The following TRAPPC10 variants were observed in gnomAD, a reference collection of about 807,000 sequenced individuals.
The protein encoded by TRAPPC10 is TRAPP 130 kDa subunit.
TRAPPC10 carries 23 observed loss-of-function variants against 125.5 expected under a neutral mutation model. The ratio of observed to expected loss-of-function variants is 0.18; its 90% CI spans 0.13 to 0.26. TRAPPC10 has a LOEUF of 0.26. Among genes scored for constraint, TRAPPC10 ranks in the 10% least tolerant of loss-of-function variants. TRAPPC10 has a pLI of 1.00. For missense variants in TRAPPC10, 1,123 were observed against 1,308.4 expected, an observed-to-expected ratio of 0.86 and a Z score of 2.19; for synonymous variants, 509 against 518.0, an observed-to-expected ratio of 0.98 and a Z score of 0.24.
chr21:44,018,783 C>T (rs1291477318), intron 1 of TRAPPC10, among the ~76,000 whole-genome samples: 1 of 152,030 alleles, frequency 6.6e-6, no homozygotes, highest in Admixed American at 6.6e-5. Context: ...AGAGGCCTGC[C>T]AACTGACAGT....
intron 3 of TRAPPC10, among the ~76,000 whole-genome samples, chr21:44,043,265 G>A (rs1331866967): frequency 1.4e-5 from 2 of 141,938 alleles, no homozygotes; most frequent in Non-Finnish European, 3.0e-5. Context: ...CCAGGCTGGA[G>A]TGCAGTGGCT....
chr21:44,032,240 A>G (rs1327663212), intron 2 of TRAPPC10, 68 bp downstream of exon 2: 5 of 1,299,704 alleles, frequency 3.8e-6, no homozygotes, highest in East Asian at 2.3e-5. Context: ...ATGTTTTTAA[A>G]TAAGTATATG....
chr21:44,092,160 G>GGTCTGGCTAATTTTTAT, intron 19 of TRAPPC10, 111 bp downstream of exon 19: 1 of 1,381,778 alleles, frequency 7.2e-7, no homozygotes. Context: ...CTGCACTGCT[G>GGTCTGGCTAATTTTTAT]ATGAGTAAAG....
At chr21:44,062,751 C>T (rs926600254) in intron 6 of TRAPPC10, 11 of 985,266 alleles carry the variant, frequency 1.1e-5, no homozygotes, top group Non-Finnish European at 1.2e-5. Flanking sequence ...CACCACTATG[C>T]GCTCCCCGGG....
At chr21:44,016,474 G>A (rs2838467) in intron 1 of TRAPPC10, among the ~76,000 whole-genome samples, 51,574 of 151,898 alleles carry the variant, frequency 0.34, 13,140 homozygotes, top group African/African-American at 0.72. Context: ...CTCCCTCTAG[G>A]TGATCTGTTC....
intron 1 of TRAPPC10, among the ~76,000 whole-genome samples, chr21:44,017,430 T>A (rs1454839091): frequency 6.6e-6 from 1 of 152,030 alleles, no homozygotes. Flanking sequence ...AAAAAGTTAC[T>A]AAGGAGAGGT....
intron 6 of TRAPPC10, among the ~76,000 whole-genome samples, chr21:44,060,947 C>CA (rs1555945307): frequency 2.1e-5 from 3 of 143,552 alleles, no homozygotes; most frequent in South Asian, 4.4e-4. Flanking sequence ...CACACACACA[C>CA]TTTTTTTTTG....
chr21:44,025,539 G>C (rs1223924968), intron 1 of TRAPPC10, among the ~76,000 whole-genome samples: 1 of 152,134 alleles, frequency 6.6e-6, no homozygotes, highest in Non-Finnish European at 1.5e-5. Flanking sequence ...TTTTAAGTTT[G>C]CTCTCTGAGG....
At chr21:44,075,259 CACCA>C in intron 9 of TRAPPC10, 106 bp downstream of exon 9, 3 of 777,392 alleles carry the variant, frequency 3.9e-6, no homozygotes, top group Non-Finnish European at 6.4e-6. Context: ...TCATATTACT[CACCA>C]TTTGGAAAAT....
At chr21:44,068,118 C>CAA (rs1282628289) in intron 7 of TRAPPC10, among the ~76,000 whole-genome samples, 890 of 77,020 alleles carry the variant, frequency 0.012, 12 homozygotes, top group African/African-American at 0.037. Flanking sequence ...GACTCCGTCT[C>CAA]AAAAAAAAAA....
chr21:44,013,849 A>G (rs1204019056), intron 1 of TRAPPC10, among the ~76,000 whole-genome samples: 6 of 152,176 alleles, frequency 3.9e-5, no homozygotes, highest in Non-Finnish European at 7.3e-5. Context: ...CCTCCCCAGA[A>G]TATTTGTCAG....
intron 3 of TRAPPC10, among the ~76,000 whole-genome samples, chr21:44,051,619 G>C (rs918434767): frequency 6.6e-6 from 1 of 152,246 alleles, no homozygotes; most frequent in African/African-American, 2.4e-5. Context: ...AAGCAGGATT[G>C]ATTTCTGGGA....
At chr21:44,045,900 T>C (rs2034765833) in intron 3 of TRAPPC10, among the ~76,000 whole-genome samples, 1 of 152,102 alleles carries the variant, frequency 6.6e-6, no homozygotes, top group Admixed American at 6.5e-5. Context: ...TTGATTATGG[T>C]ATGCTTTGGT....
At position 44,091,169 on chromosome 21, in the gene TRAPPC10, C is replaced by T. The variant is rs541686909; in HGVS notation, c.2871-754C>T. ...TCGTGCCATTGCACCCCAGCCTGGG[C>T]GACAAGAGCAAGACTCTGTCTCAAA... On this transcript the variant is annotated intron_variant, in intron 18 of 22. Transcript: ENST00000291574. Among the ~76,000 whole-genome samples the T allele has an allele frequency of 5.3e-5, 8 of 152,210 alleles. No individual in the cohort carries two copies. The East Asian group carries it at 5.8e-4, about 11-fold the overall frequency.
intron 3 of TRAPPC10, 56 bp from the exon 4 acceptor site, chr21:44,052,224 G>C (rs1228494320): frequency 6.9e-7 from 1 of 1,445,336 alleles, no homozygotes; most frequent in African/African-American, 1.4e-5. Context: ...ACATTTTGCT[G>C]TATAAACTAA....
At chr21:44,023,942 C>T (rs913864981) in intron 1 of TRAPPC10, among the ~76,000 whole-genome samples, 1 of 152,158 alleles carries the variant, frequency 6.6e-6, no homozygotes, top group Non-Finnish European at 1.5e-5. Flanking sequence ...CATGCCATCA[C>T]ATCTGGCTAA....
chr21:44,077,458 G>T (rs751138431), intron 10 of TRAPPC10, among the ~76,000 whole-genome samples: 1 of 152,058 alleles, frequency 6.6e-6, no homozygotes, highest in Admixed American at 6.6e-5. Flanking sequence ...GCCTGGTGGC[G>T]CCTGTAGTCC....
intron 3 of TRAPPC10, among the ~76,000 whole-genome samples, chr21:44,041,803 T>C (rs2034444627): frequency 6.6e-6 from 1 of 152,198 alleles, no homozygotes; most frequent in Non-Finnish European, 1.5e-5. Context: ...CTCGACTCAC[T>C]GCAACCTCTG....
intron 7 of TRAPPC10, among the ~76,000 whole-genome samples, chr21:44,068,333 A>G (rs2036603943): frequency 6.6e-6 from 1 of 152,006 alleles, no homozygotes; most frequent in Non-Finnish European, 1.5e-5. Context: ...TCAGGTGGAG[A>G]AGATGGTGTT....
Sources: allele counts gnomAD v4.1 joint callset (sites outside exome capture counted in the v4.1 genomes callset), GRCh38; gene constraint gnomAD v4.1.1; transcripts MANE v1.5; gene names NCBI Gene and HGNC (gene_info 2026-07-23, HGNC 2026-07-21).